Variants in ANKRD6 observed in about 807,000 individuals in gnomAD.
ANKRD6 encodes the protein ankyrin repeat domain-containing protein 6.
In ANKRD6, 56 loss-of-function variants were observed where a neutral mutation model predicts 82.3. The ratio of observed to expected loss-of-function variants is 0.68; its 90% confidence interval spans 0.55 to 0.85. The LOEUF is 0.85. Ranked by LOEUF, ANKRD6 falls within the 40% of genes least tolerant of loss-of-function variation. The pLI is 0.00. For missense variants in ANKRD6, 852 were observed against 907.6 expected, an observed-to-expected ratio of 0.94 and a Z score of 0.79; for synonymous variants, 347 against 352.1, an observed-to-expected ratio of 0.99 and a Z score of 0.16.
chr6:89,623,804 G>T (rs193125896), intron 11 of ANKRD6, 68 bp from the exon 12 acceptor site: 33 of 1,495,406 alleles, frequency 2.2e-5, no homozygotes, highest in Non-Finnish European at 2.5e-5. Flanking sequence ...TGACATGGGC[G>T]CCACCGACTG....
At chr6:89,521,432 T>C (rs1363157025) in intron 1 of ANKRD6, among the ~76,000 whole-genome samples, 1 of 152,086 alleles carries the variant, frequency 6.6e-6, no homozygotes, top group Non-Finnish European at 1.5e-5. Context: ...AGCCCCCCAA[T>C]GTGAGGCTGG....
chr6:89,569,911 T>C (rs565487789), intron 2 of ANKRD6, among the ~76,000 whole-genome samples: 119 of 152,310 alleles, frequency 7.8e-4, no homozygotes, highest in Non-Finnish European at 1.3e-3. Context: ...AGAAACAACT[T>C]TCAGCCTTCT....
chr6:89,577,461 T>C (rs1421406536), intron 2 of ANKRD6, among the ~76,000 whole-genome samples: 1 of 152,238 alleles, frequency 6.6e-6, no homozygotes, highest in Non-Finnish European at 1.5e-5. Flanking sequence ...TACCTTCTGA[T>C]ACAGCTAATT....
chr6:89,518,271 G>T (rs367763390), intron 1 of ANKRD6, among the ~76,000 whole-genome samples: 3 of 152,190 alleles, frequency 2.0e-5, no homozygotes, highest in African/African-American at 7.2e-5. Flanking sequence ...GCGTGGTGGC[G>T]CATGCCTGTA....
chr6:89,436,700 A>C (rs1336552925), intron 1 of ANKRD6, among the ~76,000 whole-genome samples: 1 of 152,248 alleles, frequency 6.6e-6, no homozygotes, highest in East Asian at 1.9e-4. Flanking sequence ...TATTTTTGCA[A>C]CTTCTATGTA....
intron 3 of ANKRD6, chr6:89,598,018 C>T: frequency 2.6e-6 from 2 of 774,552 alleles, no homozygotes; most frequent in Non-Finnish European, 3.1e-6. Flanking sequence ...TCAGAAGTTA[C>T]CTGTCTTGGA....
intron 1 of ANKRD6, among the ~76,000 whole-genome samples, chr6:89,484,199 C>T (rs537471799): frequency 6.6e-5 from 10 of 152,288 alleles, no homozygotes; most frequent in South Asian, 4.1e-4. Flanking sequence ...TGAGCCACCG[C>T]GGCCGGCCAA....
intron 1 of ANKRD6, among the ~76,000 whole-genome samples, chr6:89,434,054 A>G (rs1257039076): frequency 2.0e-5 from 3 of 152,150 alleles, no homozygotes; most frequent in African/African-American, 7.2e-5. Context: ...GAATGTCTCA[A>G]AGCTGGTCAA....
Position 89,587,091 on chromosome 6 carries a change from T to C in ANKRD6, c.121-8825T>C, listed in dbSNP as rs542660121. On this transcript the variant is annotated intron_variant, in intron 2 of 15. Transcript: ENST00000339746. ...CTGTAATCTCAGCTACTTGGGAGGC[T>C]AAGGCAGGAGAATTTCTTGAACCTG... Among the ~76,000 whole-genome samples the C allele has an allele frequency of 3.2e-3, 479 of 150,398 alleles. 3 individuals are homozygous for C. Among genetic ancestry groups the C allele is most frequent in the African/African-American group, 0.011 (448 of 40,798 alleles).
chr6:89,555,094 CTCT>C (rs1389815777), intron 1 of ANKRD6, among the ~76,000 whole-genome samples: 2 of 121,816 alleles, frequency 1.6e-5, no homozygotes, highest in African/African-American at 6.5e-5. Context: ...TCCCTCCCCC[CTCT>C]CTCCCCCCTC....
intron 1 of ANKRD6, among the ~76,000 whole-genome samples, chr6:89,478,800 T>A (rs1028677166): frequency 3.3e-5 from 5 of 150,886 alleles, no homozygotes; most frequent in South Asian, 4.3e-4. Flanking sequence ...AAAAAAAAAA[T>A]TTTTTTAAAA....
intron 1 of ANKRD6, among the ~76,000 whole-genome samples, chr6:89,537,361 C>A (rs953365525): frequency 1.3e-5 from 2 of 152,016 alleles, no homozygotes; most frequent in Non-Finnish European, 2.9e-5. Flanking sequence ...GGAACCCCAC[C>A]CACACACCCC....
intron 1 of ANKRD6, among the ~76,000 whole-genome samples, chr6:89,545,416 A>G (rs1282671863): frequency 6.6e-6 from 1 of 152,116 alleles, no homozygotes; most frequent in Non-Finnish European, 1.5e-5. Flanking sequence ...CTTTGGTGTC[A>G]GAGAAACTCT....
intron 9 of ANKRD6, among the ~76,000 whole-genome samples, chr6:89,620,716 A>G (rs896925044): frequency 6.6e-6 from 1 of 151,502 alleles, no homozygotes; most frequent in Admixed American, 6.6e-5. Context: ...CCAGCCACCT[A>G]TTTTTTCTTG....
chr6:89,447,854 A>ATTTTTTTTTT (rs530068070), intron 1 of ANKRD6, among the ~76,000 whole-genome samples: 2 of 119,012 alleles, frequency 1.7e-5, no homozygotes, highest in African/African-American at 7.0e-5. Context: ...CGCCCAGCTA[A>ATTTTTTTTTT]TTTTTTTTTT....
intron 1 of ANKRD6, among the ~76,000 whole-genome samples, chr6:89,498,445 G>T (rs1778885872): frequency 6.6e-6 from 1 of 152,036 alleles, no homozygotes. Context: ...TTATATATCT[G>T]CTAGGTCTGT....
intron 12 of ANKRD6, 108 bp from the exon 13 acceptor site, chr6:89,624,431 T>A: frequency 7.4e-7 from 1 of 1,356,314 alleles, no homozygotes. Context: ...GCCTATCTCT[T>A]CCATCATCTC....
chr6:89,487,803 C>G (rs1777537730), intron 1 of ANKRD6, among the ~76,000 whole-genome samples: 1 of 152,076 alleles, frequency 6.6e-6, no homozygotes, highest in Non-Finnish European at 1.5e-5. Flanking sequence ...TCCCTGCAAC[C>G]TAGTTTAATG....
chr6:89,630,381 T>C lies in ANKRD6; in HGVS notation c.1613-52T>C, dbSNP rs547572106. On this transcript the variant is annotated intron_variant, in intron 15 of 15. Coordinates refer to ENST00000339746, the MANE Select transcript of ANKRD6 (RefSeq NM_001242809.2). ...TCTAAAATACTGACCCGCAGCCATA[T>C]GACTGTGTGAATGTGGATTTGCTCT... 2.6e-6 allele frequency: 4 copies of C among 1,566,062 alleles called. No individual in the cohort carries two copies. In the South Asian group the frequency reaches 3.6e-5, roughly 14 times the overall value.
Sources: allele counts gnomAD v4.1 joint callset (sites outside exome capture counted in the v4.1 genomes callset), GRCh38; gene constraint gnomAD v4.1.1; transcripts MANE v1.5; gene names NCBI Gene and HGNC (gene_info 2026-07-23, HGNC 2026-07-21).